Variants in C2CD5 observed in about 807,000 individuals in gnomAD.
C2CD5 encodes the protein C2 calcium dependent domain containing 5, also known as C2 domain-containing protein 5.
Under a neutral mutation model 130.3 loss-of-function variants are expected in C2CD5, and 109 were observed. That is an observed-to-expected ratio of 0.84 (90% confidence interval 0.72 to 0.98). C2CD5 has a LOEUF of 0.98. Ranked by LOEUF, C2CD5 falls within the 50% of genes least tolerant of loss-of-function variation. The probability of loss-of-function intolerance (pLI) is 0.00; values close to 1 mark genes in which losing one functional copy is unlikely to be tolerated. For missense variants in C2CD5, 996 were observed against 1,261.8 expected (o/e 0.79, Z 3.19); for synonymous variants, 454 against 429.2 (o/e 1.06, Z -0.71).
intron 14 of C2CD5, among the ~76,000 whole-genome samples, chr12:22,481,930 C>A (rs1231139100): frequency 6.6e-6 from 1 of 151,622 alleles, no homozygotes; most frequent in Non-Finnish European, 1.5e-5. Flanking sequence ...ACGCACCTGG[C>A]CAGAAACACC....
intron 12 of C2CD5, among the ~76,000 whole-genome samples, chr12:22,489,008 TG>T (rs1565713794): frequency 6.6e-6 from 1 of 151,768 alleles, no homozygotes; most frequent in Non-Finnish European, 1.5e-5. Context: ...CCTGAGTAGC[TG>T]GGATTAGAGG....
intron 12 of C2CD5, among the ~76,000 whole-genome samples, chr12:22,489,301 A>G (rs1433413624): frequency 6.6e-6 from 1 of 151,696 alleles, no homozygotes; most frequent in East Asian, 1.9e-4. Flanking sequence ...TACCAAACTA[A>G]TAGTTTATAT....
rs368807334 is a variant in C2CD5, at chr12:22,457,026, T to G, written c.2822A>C (p.Lys941Thr). The change falls in exon 25 of 27, where the codon AAG becomes ACG. Residue 941 changes from lysine (K) to threonine (T), a missense_variant. Physicochemically the swap from Lys to Thr is moderately conservative, Grantham distance 78 (BLOSUM62 -1). Around this residue, in one of 9 missense-constraint regions of C2CD5, gnomAD observed 51 missense variants for 99.5 expected, o/e 0.51. Coordinates refer to ENST00000446597, the MANE Select transcript of C2CD5 (RefSeq NM_001286176.2). ...AAACATGTTAATTATCCCAAGATAC[T>G]TAGTTATTTTTGCTCCAGGAATAAA... ...LSFIPGAKITKYLGIINMFFI... is the reference protein window; with the variant it reads ...LSFIPGAKITTYLGIINMFFI... 2.5e-6 allele frequency: 4 copies of G among 1,607,404 alleles called. No homozygotes were observed. Among genetic ancestry groups the G allele is most frequent in the Non-Finnish European group, 3.4e-6 (4 of 1,175,150 alleles).
intron 8 of C2CD5, among the ~76,000 whole-genome samples, chr12:22,514,713 G>GAATCTAATAATATT (rs1949540678): frequency 6.6e-6 from 1 of 151,890 alleles, no homozygotes; most frequent in African/African-American, 2.4e-5. Flanking sequence ...GTAGTAATAA[G>GAATCTAATAATATT]AATCTAATAA....
intron 11 of C2CD5, among the ~76,000 whole-genome samples, chr12:22,492,371 T>C (rs1946464128): frequency 6.6e-6 from 1 of 152,018 alleles, no homozygotes; most frequent in Non-Finnish European, 1.5e-5. Context: ...CAAAACAAAC[T>C]AGATATAAAA....
chr12:22,481,796 G>GTTT (rs1944758606), intron 14 of C2CD5, among the ~76,000 whole-genome samples: 2 of 131,602 alleles, frequency 1.5e-5, no homozygotes, highest in African/African-American at 6.1e-5. Flanking sequence ...CACACCTGGT[G>GTTT]TATTTTTTTT....
At chr12:22,540,083 T>C (rs746817733) in intron 2 of C2CD5, among the ~76,000 whole-genome samples, 1 of 152,006 alleles carries the variant, frequency 6.6e-6, no homozygotes, top group East Asian at 1.9e-4. Context: ...ATGTACATAA[T>C]TGTCAAGAAC....
chr12:22,467,989 G>A (rs1942369484), intron 22 of C2CD5, among the ~76,000 whole-genome samples: 1 of 151,422 alleles, frequency 6.6e-6, no homozygotes, highest in South Asian at 2.1e-4. Context: ...GTAAAACAGA[G>A]CTAACAGGGA....
chr12:22,478,515 T>A, intron 14 of C2CD5, 38 bp from the exon 15 acceptor site: 2 of 1,556,078 alleles, frequency 1.3e-6, no homozygotes, highest in East Asian at 4.6e-5. Flanking sequence ...AGAAAAAATA[T>A]CTACAGAATA....
chr12:22,513,072 G>C (rs969122050), intron 9 of C2CD5, among the ~76,000 whole-genome samples: 1 of 151,868 alleles, frequency 6.6e-6, no homozygotes, highest in African/African-American at 2.4e-5. Context: ...TCTGATAAAA[G>C]ATTAAACAAG....
chr12:22,484,354 GAAAAA>G (rs908053514), intron 13 of C2CD5: 97 of 176,462 alleles, frequency 5.5e-4, no homozygotes, highest in African/African-American at 2.1e-3. Flanking sequence ...TTCTTTAAAA[GAAAAA>G]AAGAGAGTCA....
At chr12:22,542,198 A>G (rs1565826090) in intron 2 of C2CD5, among the ~76,000 whole-genome samples, 2 of 152,228 alleles carry the variant, frequency 1.3e-5, no homozygotes, top group Admixed American at 6.5e-5. Flanking sequence ...GCCATCCTAT[A>G]AAGAAACAAA....
At position 22,478,330 on chromosome 12, in the gene C2CD5, A is replaced by G. The variant is rs904525560; in HGVS notation, c.1885T>C (p.Tyr629His). 5.0e-6 allele frequency: 8 copies of G among 1,611,916 alleles called. No homozygotes were observed. The highest frequency in any genetic ancestry group is 6.8e-6 in the Non-Finnish European group (8 of 1,178,244). Residue 629 changes from tyrosine to histidine, a missense_variant, in exon 15 of 27, where the codon TAT becomes CAT. By Grantham distance (83) the Tyr-to-His change is moderately conservative. This residue lies in a region of C2CD5 where 590 missense variants were observed against 631.4 expected (regional missense o/e 0.93). Transcript: ENST00000446597. ...TTACTTACTGGAGGATTGATTTCAT[A>G]TAACTCTTTGTTTTTAGCAATTGTG... ...NDTIAKNKEL[Y>H]EINPPEISEE... is the part of the protein sequence containing the mutation.
chr12:22,479,703 A>G (rs1179374763), intron 14 of C2CD5, among the ~76,000 whole-genome samples: 1 of 152,170 alleles, frequency 6.6e-6, no homozygotes, highest in Non-Finnish European at 1.5e-5. Context: ...ATCTAATTAA[A>G]TTACTATTTA....
chr12:22,459,093 A>T (rs528458436), intron 23 of C2CD5, among the ~76,000 whole-genome samples: 1 of 152,300 alleles, frequency 6.6e-6, no homozygotes. Flanking sequence ...ACAATCAGTA[A>T]GAGGAAAACC....
intron 3 of C2CD5, among the ~76,000 whole-genome samples, chr12:22,534,023 TA>T (rs1951578496): frequency 6.6e-6 from 1 of 152,056 alleles, no homozygotes; most frequent in African/African-American, 2.4e-5. Flanking sequence ...CCATCTCTAC[TA>T]AAAATACAAA....
At chr12:22,511,400 T>C (rs924066707) in intron 9 of C2CD5, among the ~76,000 whole-genome samples, 6 of 152,076 alleles carry the variant, frequency 3.9e-5, no homozygotes, top group African/African-American at 1.2e-4. Flanking sequence ...CAGTCGCAAG[T>C]GAATAGGAAA....
intron 15 of C2CD5, among the ~76,000 whole-genome samples, chr12:22,477,709 C>G (rs1944053652): frequency 6.6e-6 from 1 of 151,942 alleles, no homozygotes; most frequent in South Asian, 2.1e-4. Flanking sequence ...CAGTCATCCA[C>G]AGAGGAGGCA....
chr12:22,469,774 A>C lies in C2CD5; in HGVS notation c.2468T>G (p.Leu823Arg), dbSNP rs1942720912. 6.2e-7 allele frequency: 1 copy of C among 1,602,008 alleles called. No homozygotes were observed. The highest frequency in any genetic ancestry group is 1.7e-5 in the Admixed American group (1 of 58,798). ...ACACAGTTCCAGTGGAAATTGTAAA[A>C]GTTCTTCATTATCTGTTGAGGCTAG... ...LQRASTDNEE[L>R]LQFPLELCSD... Residue 823 changes from leucine to arginine, a missense_variant, in exon 22 of 27, where the codon CTT (leucine) becomes CGT (arginine). Physicochemically the swap from Leu to Arg is moderately radical, Grantham distance 102. Coordinates refer to ENST00000446597, the MANE Select transcript of C2CD5 (RefSeq NM_001286176.2).
Sources: allele counts gnomAD v4.1 joint callset (sites outside exome capture counted in the v4.1 genomes callset), GRCh38; gene constraint gnomAD v4.1.1; regional missense constraint gnomAD v4.1.1; transcripts MANE v1.5; gene names NCBI Gene and HGNC (gene_info 2026-07-23, HGNC 2026-07-21).